Variants in AFF3 observed in about 807,000 individuals in gnomAD.
AFF3 encodes the protein AF4/FMR2 family member 3.
In AFF3, 32 loss-of-function variants were observed where a neutral mutation model predicts 129.7. That is an observed-to-expected ratio of 0.25 (90% CI 0.19 to 0.33). The LOEUF is 0.33. Ranked by LOEUF, AFF3 falls within the 10% of genes least tolerant of loss-of-function variation. The pLI is 1.00. For synonymous variants in AFF3, 644 were observed against 635.4 expected (o/e 1.01, Z -0.20); for missense variants, 1,373 against 1,592.0 (o/e 0.86, Z 2.34).
chr2:99,605,825 G>A (rs532177019), intron 13 of AFF3, among the ~76,000 whole-genome samples: 5 of 152,034 alleles, frequency 3.3e-5, no homozygotes, highest in Non-Finnish European at 7.4e-5. Flanking sequence ...TGGAACTACA[G>A]GCATGTACCA....
intron 7 of AFF3, among the ~76,000 whole-genome samples, chr2:99,883,541 A>C (rs1262779126): frequency 6.6e-6 from 1 of 152,266 alleles, no homozygotes; most frequent in East Asian, 1.9e-4. Context: ...TCTCAGAGTC[A>C]TTAATCTTTG....
intron 11 of AFF3, among the ~76,000 whole-genome samples, chr2:99,708,060 A>C (rs1677566492): frequency 6.6e-6 from 1 of 152,166 alleles, no homozygotes; most frequent in African/African-American, 2.4e-5. Context: ...ACAACAAACA[A>C]ATTTTTAGCA....
chr2:99,815,810 TTCTCTC>T (rs747354542), intron 8 of AFF3, among the ~76,000 whole-genome samples: 1 of 147,562 alleles, frequency 6.8e-6, no homozygotes. Context: ...TCCTGGTTCC[TTCTCTC>T]TCTCTCTCTC....
intron 11 of AFF3, among the ~76,000 whole-genome samples, chr2:99,710,793 C>T (rs555523717): frequency 6.6e-6 from 1 of 152,136 alleles, no homozygotes; most frequent in African/African-American, 2.4e-5. Context: ...TGCGGTAGAA[C>T]CTTGGAGGCA....
chr2:99,717,935 C>G (rs907087334), intron 11 of AFF3, among the ~76,000 whole-genome samples: 2 of 152,240 alleles, frequency 1.3e-5, no homozygotes, highest in Non-Finnish European at 2.9e-5. Flanking sequence ...AAAGACCCGG[C>G]TTTCCCCACT....
intron 7 of AFF3, among the ~76,000 whole-genome samples, chr2:99,981,011 G>T (rs934515731): frequency 6.6e-6 from 1 of 152,008 alleles, no homozygotes; most frequent in African/African-American, 2.4e-5. Context: ...AGAACTATGT[G>T]GTTTTTTGTT....
At chr2:99,578,291 T>C (rs1385562290) in intron 18 of AFF3, 36 bp downstream of exon 18, 2 of 1,569,000 alleles carry the variant, frequency 1.3e-6, no homozygotes, top group Non-Finnish European at 1.7e-6. Context: ...CTGTTCTGTC[T>C]TGCCCCTCAC....
rs537745574 is a variant in AFF3, at chr2:99,820,748, A to C, written c.921+16729T>G. On this transcript the variant is annotated intron_variant, in intron 8 of 24. Transcript: ENST00000672756. ...TTCTGTGACCTTTTTCCTATTTTTA[A>C]GGTTTTTAAATTTTTTTCTTACTTT... is the stretch of plus-strand genomic sequence containing the variant. 4.6e-4 allele frequency among the ~76,000 whole-genome samples: 16 copies of C among 34,608 alleles called. 2 individuals are homozygous for C. The highest frequency in any genetic ancestry group is 1.2e-3 in the Non-Finnish European group (11 of 9,338). The allele number at this position is 34,608 out of a possible 152,430, so 22.7% of individuals were successfully genotyped here.
chr2:99,601,459 C>T lies in AFF3; in HGVS notation c.1347G>A (p.Lys449=). The T allele has an allele frequency of 6.2e-7, 1 of 1,608,436 alleles. No individual in the cohort carries two copies. The highest frequency in any genetic ancestry group is 8.5e-7 in the Non-Finnish European group (1 of 1,176,980). Residue 449 remains lysine, a synonymous_variant, in exon 14 of 25, where the codon AAG becomes AAA. Coordinates refer to ENST00000672756, the MANE Select transcript of AFF3 (RefSeq NM_001386135.1). ...ESSSSESEGS[K]PPHFSSPEAE... is the part of the protein sequence containing the mutation. ...CCTCGGGGCTGGAGAAGTGGGGGGG[C>T]TTGCTGCCCTCACTCTCGCTGGAGC...
intron 10 of AFF3, among the ~76,000 whole-genome samples, chr2:99,743,620 G>A (rs574195380): frequency 2.3e-4 from 35 of 152,218 alleles, no homozygotes; most frequent in African/African-American, 8.4e-4. Context: ...AATTCAATAA[G>A]GAAACTGCTT....
In AFF3 at chr2:100,045,244, T is replaced by A. The variant is rs7601715; in HGVS notation, c.54-36312A>T. Reference sequence around the variant, plus strand: ...ACGGTGAGGTCACTCAGAAGACAACTGAGCTAGGGAGCAGCTGAGTGCCGC... The same window carrying A: ...ACGGTGAGGTCACTCAGAAGACAACAGAGCTAGGGAGCAGCTGAGTGCCGC... On this transcript the variant is annotated intron_variant, in intron 4 of 24. Coordinates refer to ENST00000672756, the MANE Select transcript of AFF3 (RefSeq NM_001386135.1). 7.6e-3 allele frequency among the ~76,000 whole-genome samples: 1,151 copies of A among 152,068 alleles called. 19 individuals are homozygous for A. The highest frequency in any genetic ancestry group is 0.027 in the African/African-American group (1,100 of 41,486).
intron 7 of AFF3, among the ~76,000 whole-genome samples, chr2:99,995,335 T>C (rs904555173): frequency 6.6e-6 from 1 of 152,104 alleles, no homozygotes; most frequent in African/African-American, 2.4e-5. Context: ...TAAAGCCTCA[T>C]CTTACGTCAA....
chr2:99,967,672 G>A (rs1012970316), intron 7 of AFF3, among the ~76,000 whole-genome samples: 20 of 152,168 alleles, frequency 1.3e-4, no homozygotes, highest in African/African-American at 1.9e-4. Context: ...TTGCTTATAC[G>A]GTACCACCAT....
chr2:99,582,412 A>G (rs1677660329), intron 17 of AFF3, among the ~76,000 whole-genome samples: 1 of 152,174 alleles, frequency 6.6e-6, no homozygotes. Context: ...GGGGCCCTGT[A>G]GCTTTCAGTG....
At chr2:99,961,221 G>A (rs1677181220) in intron 7 of AFF3, among the ~76,000 whole-genome samples, 1 of 152,170 alleles carries the variant, frequency 6.6e-6, no homozygotes. Flanking sequence ...GACAACTTGG[G>A]AAAGGTGTCT....
chr2:99,597,376 T>C (rs1168531419), intron 14 of AFF3, among the ~76,000 whole-genome samples: 1 of 152,234 alleles, frequency 6.6e-6, no homozygotes, highest in Non-Finnish European at 1.5e-5. Context: ...CGTTGTCTTT[T>C]GATGTTCGTA....
chr2:99,734,632 ATT>A, intron 10 of AFF3, among the ~76,000 whole-genome samples: 1 of 151,910 alleles, frequency 6.6e-6, no homozygotes, highest in South Asian at 2.1e-4. Flanking sequence ...AAACAATCCT[ATT>A]TTTCTTTTAA....
intron 4 of AFF3, among the ~76,000 whole-genome samples, chr2:100,015,487 G>A (rs1037899841): frequency 6.6e-6 from 1 of 152,200 alleles, no homozygotes; most frequent in Admixed American, 6.5e-5. Flanking sequence ...CTCCAGAGCA[G>A]CAGCGTAAGC....
intron 11 of AFF3, among the ~76,000 whole-genome samples, chr2:99,723,194 T>C (rs1679061559): frequency 6.6e-6 from 1 of 152,202 alleles, no homozygotes; most frequent in East Asian, 1.9e-4. Flanking sequence ...GCTCCTTTCA[T>C]TGCCCTGAAT....
Sources: allele counts gnomAD v4.1 joint callset (sites outside exome capture counted in the v4.1 genomes callset), GRCh38; gene constraint gnomAD v4.1.1; transcripts MANE v1.5; gene names NCBI Gene and HGNC (gene_info 2026-07-23, HGNC 2026-07-21).